The following DHX30 variants were observed in gnomAD, a reference collection of about 807,000 sequenced individuals.
DHX30 encodes ATP-dependent RNA helicase DHX30.
In DHX30, 4 loss-of-function variants were observed where a neutral mutation model predicts 116.9. That is an observed-to-expected ratio of 0.03 (90% CI 0.02 to 0.08). The LOEUF (loss-of-function observed/expected upper bound fraction) is 0.08. Ranked by LOEUF, DHX30 falls within the 10% of genes least tolerant of loss-of-function variation. DHX30 has a pLI of 1.00. For synonymous variants in DHX30, 697 were observed against 651.7 expected (o/e 1.07, Z -1.06); for missense variants, 871 against 1,595.1 (o/e 0.55, Z 7.73).
At chr3:47,808,423 GC>G (rs1365203938) in intron 2 of DHX30, among the ~76,000 whole-genome samples, 1 of 151,846 alleles carries the variant, frequency 6.6e-6, no homozygotes, top group Admixed American at 6.6e-5. Flanking sequence ...TCACTATGTT[GC>G]CCAGGCTGGT....
At chr3:47,810,858 G>T in intron 3 of DHX30, 147 bp downstream of exon 3, 1 of 810,466 alleles carries the variant, frequency 1.2e-6, no homozygotes, top group Non-Finnish European at 2.0e-6. Flanking sequence ...CCTTCCTTTT[G>T]CATGGTGCTT....
intron 6 of DHX30, among the ~76,000 whole-genome samples, chr3:47,839,993 C>G (rs1356674807): frequency 9.1e-6 from 1 of 109,962 alleles, no homozygotes; most frequent in East Asian, 3.3e-4. Flanking sequence ...ATTTTTTTTT[C>G]TTTTCTTTTC....
intron 4 of DHX30, among the ~76,000 whole-genome samples, chr3:47,823,350 GGTT>G (rs1323266894): frequency 9.3e-5 from 14 of 150,482 alleles, no homozygotes; most frequent in South Asian, 2.1e-4. Flanking sequence ...TGGCATCCCT[GGTT>G]GTTGTTTTTT....
At chr3:47,806,293 A>G (rs2035519683) in intron 2 of DHX30, among the ~76,000 whole-genome samples, 1 of 150,428 alleles carries the variant, frequency 6.6e-6, no homozygotes, top group Non-Finnish European at 1.5e-5. Context: ...ACAGGTGCGC[A>G]CCACCACGCC....
chr3:47,823,727 G>A (rs1348026180), intron 4 of DHX30, among the ~76,000 whole-genome samples: 1 of 152,138 alleles, frequency 6.6e-6, no homozygotes, highest in Non-Finnish European at 1.5e-5. Context: ...AGAAAAAATA[G>A]TATAATGAAC....
intron 4 of DHX30, among the ~76,000 whole-genome samples, chr3:47,824,298 T>G (rs988658718): frequency 2.2e-4 from 34 of 152,228 alleles, no homozygotes; most frequent in African/African-American, 8.2e-4. Context: ...CCACTGCGCC[T>G]GGCGAGGAAC....
intron 3 of DHX30, among the ~76,000 whole-genome samples, chr3:47,814,678 G>A (rs1442752871): frequency 2.6e-5 from 4 of 151,532 alleles, no homozygotes; most frequent in Admixed American, 6.6e-5. Context: ...CAGCCACCAC[G>A]CCTGGCTAAT....
At chr3:47,803,903 T>C (rs1345829963) in intron 1 of DHX30, among the ~76,000 whole-genome samples, 2 of 152,190 alleles carry the variant, frequency 1.3e-5, no homozygotes, top group Admixed American at 1.3e-4. Flanking sequence ...ACTTGAATTA[T>C]GATTTTTCAA....
chr3:47,836,128 T>C (rs554473226), intron 6 of DHX30, among the ~76,000 whole-genome samples: 1 of 152,266 alleles, frequency 6.6e-6, no homozygotes, highest in Non-Finnish European at 1.5e-5. Context: ...CTCAGACTTT[T>C]GTTTTTTGAG....
chr3:47,829,925 G>A lies in DHX30; in HGVS notation c.366+791G>A, dbSNP rs984086890. Among the ~76,000 whole-genome samples the A allele has an allele frequency of 6.0e-5, 9 of 150,056 alleles. No homozygotes were observed. The East Asian group carries it at 1.0e-3, about 17-fold the overall frequency. On this transcript the variant is annotated intron_variant, in intron 6 of 21. Transcript: ENST00000445061. ...CAGCTCACTGCAAGCTCTGCCTCCC[G>A]GGTTCATGCCATTCTCCTGCCTCAG...
chr3:47,823,989 T>A (rs1490068416), intron 4 of DHX30, among the ~76,000 whole-genome samples: 4 of 151,088 alleles, frequency 2.6e-5, no homozygotes, highest in African/African-American at 9.7e-5. Flanking sequence ...GATACCATTT[T>A]CTTTTCCTTT....
chr3:47,804,118 T>A (rs1193936981), intron 1 of DHX30, among the ~76,000 whole-genome samples: 1 of 152,206 alleles, frequency 6.6e-6, no homozygotes, highest in East Asian at 1.9e-4. Context: ...TTTAACTACA[T>A]CTTGTAATTT....
At chr3:47,809,466 G>C (rs984049348) in intron 2 of DHX30, among the ~76,000 whole-genome samples, 3 of 151,336 alleles carry the variant, frequency 2.0e-5, no homozygotes, top group Admixed American at 6.6e-5. Context: ...GGATGGTCTC[G>C]ATCTCCTGAC....
At chr3:47,826,091 C>T (rs1393946803) in intron 4 of DHX30, 1 of 152,222 alleles carries the variant, frequency 6.6e-6, no homozygotes, top group East Asian at 1.9e-4. Flanking sequence ...CTCAGGTCCC[C>T]TGTGGGGAGC....
chr3:47,839,402 C>T (rs370751028), intron 6 of DHX30, among the ~76,000 whole-genome samples: 1 of 147,698 alleles, frequency 6.8e-6, no homozygotes, highest in African/African-American at 2.5e-5. Flanking sequence ...TCAAGTGATT[C>T]TCCTGCCTCA....
chr3:47,828,796 C>T (rs1280109581), intron 5 of DHX30, among the ~76,000 whole-genome samples: 1 of 151,794 alleles, frequency 6.6e-6, no homozygotes, highest in African/African-American at 2.4e-5. Flanking sequence ...CTTGAAGGAG[C>T]AAAACAACTT....
chr3:47,834,408 T>C (rs920721584), intron 6 of DHX30, among the ~76,000 whole-genome samples: 1 of 151,670 alleles, frequency 6.6e-6, no homozygotes, highest in Non-Finnish European at 1.5e-5. Context: ...CTGGCCCATG[T>C]GGTATTTTCT....
Position 47,847,989 on chromosome 3 carries a change from TG to T in DHX30, c.2286+38del. Reference sequence around the variant, plus strand: ...CTACCTCCTGGGCCCGGCCAACCACTGGGGGAGGGACTCCGTTTTGAGGTGG... The same window carrying T: ...CTACCTCCTGGGCCCGGCCAACCACTGGGGAGGGACTCCGTTTTGAGGTGG... On this transcript the variant is annotated intron_variant, in intron 14 of 21. Transcript: ENST00000445061. The surrounding 1 kb of genome is among the most constrained non-coding windows in gnomAD (Gnocchi z 5.5). The T allele has an allele frequency of 6.2e-7, 1 of 1,609,598 alleles. No individual in the cohort carries two copies. The highest frequency in any genetic ancestry group is 8.5e-7 in the Non-Finnish European group (1 of 1,176,522).
chr3:47,847,061 TC>T lies in DHX30; in HGVS notation c.1929+63del. ...GCCTTTCCTCCGTGGATGCCCCTCC[TC>T]CCTGGCCCTGGGGCTTGGTGCCTGG... On this transcript the variant is annotated intron_variant, in intron 11 of 21. Coordinates refer to ENST00000445061, the MANE Select transcript of DHX30 (RefSeq NM_138615.3). The surrounding 1 kb of genome is among the most constrained non-coding windows in gnomAD (Gnocchi z 5.5). The T allele has an allele frequency of 6.4e-7, 1 of 1,563,494 alleles. No individual in the cohort carries two copies.
Sources: gnomAD v4.1 joint callset for allele counts (sites outside exome capture counted in the v4.1 genomes callset) on GRCh38, gnomAD v4.1.1 for gene constraint, Gnocchi (gnomAD v3.1) non-coding constraint, MANE v1.5 for transcripts, NCBI Gene and HGNC (gene_info 2026-07-23, HGNC 2026-07-21) for gene names.